CCDC192: variants seen among roughly 807,000 people sequenced by gnomAD.
CCDC192 encodes coiled-coil domain containing 192.
At chr5:127,791,663 A>G (rs986016644) in intron 3 of CCDC192, among the ~76,000 whole-genome samples, 1 of 152,240 alleles carries the variant, frequency 6.6e-6, no homozygotes, top group Non-Finnish European at 1.5e-5. Context: ...TCTTTGCAAC[A>G]TTAGTTGAAA....
At chr5:127,825,434 A>G (rs978731459) in intron 5 of CCDC192, among the ~76,000 whole-genome samples, 1 of 152,174 alleles carries the variant, frequency 6.6e-6, no homozygotes, top group Non-Finnish European at 1.5e-5. Context: ...CAAGACTGGA[A>G]CCTCTCAGCA....
intron 3 of CCDC192, among the ~76,000 whole-genome samples, chr5:127,792,859 A>C (rs1250588800): frequency 6.6e-6 from 1 of 152,146 alleles, no homozygotes; most frequent in Non-Finnish European, 1.5e-5. Context: ...GGAGAATAAG[A>C]ATACAAATTG....
chr5:127,818,127 A>G (rs1749115026), intron 5 of CCDC192, among the ~76,000 whole-genome samples: 1 of 152,018 alleles, frequency 6.6e-6, no homozygotes, highest in South Asian at 2.1e-4. Flanking sequence ...ATTTTTAATC[A>G]ACATGATATT....
At chr5:127,899,579 AT>A (rs1554084559) in intron 6 of CCDC192, among the ~76,000 whole-genome samples, 131 of 145,290 alleles carry the variant, frequency 9.0e-4, no homozygotes, top group African/African-American at 3.4e-3. Context: ...AAAAAAAAAA[AT>A]TTGATTTGAT....
At chr5:127,721,895 GCTCA>G (rs1403405213) in intron 2 of CCDC192, among the ~76,000 whole-genome samples, 17 of 152,116 alleles carry the variant, frequency 1.1e-4, no homozygotes, top group Admixed American at 5.9e-4. Context: ...TCTCATGAGA[GCTCA>G]CTCATTATCA....
intron 6 of CCDC192, among the ~76,000 whole-genome samples, chr5:127,885,276 T>C (rs1752522665): frequency 6.6e-6 from 1 of 152,208 alleles, no homozygotes; most frequent in Admixed American, 6.5e-5. Flanking sequence ...GAAGGGCATG[T>C]ACTGCTTGGG....
At chr5:127,752,430 T>G (rs538979988) in intron 2 of CCDC192, among the ~76,000 whole-genome samples, 1,521 of 152,066 alleles carry the variant, frequency 0.01, 29 homozygotes, top group African/African-American at 0.035. Flanking sequence ...TGCTCGGGGG[T>G]CAGGGGTCAG....
chr5:127,933,539 G>A (rs926111309), intron 6 of CCDC192, among the ~76,000 whole-genome samples: 1 of 152,180 alleles, frequency 6.6e-6, no homozygotes, highest in Non-Finnish European at 1.5e-5. Context: ...ATTGCCACAT[G>A]AGTGATGCGA....
At chr5:127,779,509 A>G (rs1190485895) in intron 3 of CCDC192, among the ~76,000 whole-genome samples, 2 of 152,090 alleles carry the variant, frequency 1.3e-5, no homozygotes, top group East Asian at 3.9e-4. Flanking sequence ...GTTAGCCGGG[A>G]CAGTCTCGAT....
At chr5:127,786,593 T>C (rs1580656698) in intron 3 of CCDC192, 1 of 730,474 alleles carries the variant, frequency 1.4e-6, no homozygotes, top group Non-Finnish European at 2.6e-6. Context: ...ATTCCTTTCG[T>C]CCTTTGTCAC....
At chr5:127,904,938 T>G (rs1351580228) in intron 6 of CCDC192, among the ~76,000 whole-genome samples, 1 of 152,084 alleles carries the variant, frequency 6.6e-6, no homozygotes, top group Non-Finnish European at 1.5e-5. Flanking sequence ...CCTTCCAGGC[T>G]CAGACAATGA....
At chr5:127,859,388 T>G (rs1041001153) in intron 5 of CCDC192, among the ~76,000 whole-genome samples, 1 of 152,224 alleles carries the variant, frequency 6.6e-6, no homozygotes, top group Non-Finnish European at 1.5e-5. Context: ...CTGATTCTTA[T>G]GTGTCCTTAT....
chr5:127,864,976 T>A (rs1048902930), intron 5 of CCDC192, among the ~76,000 whole-genome samples: 2 of 152,004 alleles, frequency 1.3e-5, no homozygotes, highest in African/African-American at 4.8e-5. Context: ...TGAAACCCCG[T>A]CTCTATTAAA....
chr5:127,851,534 T>A (rs1750796891), intron 5 of CCDC192, among the ~76,000 whole-genome samples: 1 of 152,130 alleles, frequency 6.6e-6, no homozygotes, highest in African/African-American at 2.4e-5. Flanking sequence ...CTCAGCTCAC[T>A]GCAACCTCCA....
At chr5:127,781,959 T>C (rs1432317246) in intron 3 of CCDC192, among the ~76,000 whole-genome samples, 4 of 152,214 alleles carry the variant, frequency 2.6e-5, no homozygotes, top group Non-Finnish European at 5.9e-5. Flanking sequence ...TTTAGTATTA[T>C]GTTGGCTGTG....
At chr5:127,934,464 T>A (rs1005044664) in intron 6 of CCDC192, among the ~76,000 whole-genome samples, 3 of 152,192 alleles carry the variant, frequency 2.0e-5, no homozygotes, top group Admixed American at 6.5e-5. Flanking sequence ...AATTAACACG[T>A]GCCTACTTCA....
intron 2 of CCDC192, 57 bp from the exon 3 acceptor site, chr5:127,754,211 A>G: frequency 2.5e-6 from 1 of 397,354 alleles, no homozygotes; most frequent in Non-Finnish European, 4.4e-6. Flanking sequence ...AGATTGTTTG[A>G]GATGCACTCA....
chr5:127,855,934 G>A (rs1278803090), intron 5 of CCDC192, among the ~76,000 whole-genome samples: 1 of 152,208 alleles, frequency 6.6e-6, no homozygotes, highest in Non-Finnish European at 1.5e-5. Flanking sequence ...AGCACAGGCA[G>A]AGTAGATTTA....
At chr5:127,746,077 A>G (rs1274350818) in intron 2 of CCDC192, among the ~76,000 whole-genome samples, 2 of 152,196 alleles carry the variant, frequency 1.3e-5, no homozygotes, top group Non-Finnish European at 2.9e-5. Context: ...TTGCTTTTGT[A>G]TAAGCTCTTT....
Sources: gnomAD v4.1 joint callset for allele counts (sites outside exome capture counted in the v4.1 genomes callset) on GRCh38, gnomAD v4.1.1 for gene constraint, MANE v1.5 for transcripts, NCBI Gene and HGNC (gene_info 2026-07-23, HGNC 2026-07-21) for gene names.